The following GRIK5 variants were observed in gnomAD, a reference collection of about 807,000 sequenced individuals.
GRIK5 encodes glutamate ionotropic receptor kainate type subunit 5.
Under a neutral mutation model 97.4 loss-of-function variants are expected in GRIK5, and 43 were observed. The ratio of observed to expected loss-of-function variants is 0.44; its 90% confidence interval spans 0.35 to 0.57. GRIK5 has a LOEUF of 0.57. GRIK5 is among the 20% of genes least tolerant of loss of function. GRIK5 has a pLI of 0.01. For synonymous variants in GRIK5, 580 were observed against 583.5 expected (o/e 0.99, Z 0.09); for missense variants, 1,015 against 1,382.0 (o/e 0.73, Z 4.21).
rs771658980 is a variant in GRIK5, at chr19:42,065,224, G to A, written c.243C>T (p.Thr81=). 7 of 1,608,662 alleles carry A rather than the reference G, an allele frequency of 4.4e-6. No individual in the cohort carries two copies. The highest frequency in any genetic ancestry group is 5.9e-6 in the Non-Finnish European group (7 of 1,176,740). The change falls in exon 3 of 20, where the codon ACC becomes ACT. Residue 81 remains threonine (T), a splice_region_variant and synonymous_variant. Coordinates refer to ENST00000593562, the MANE Select transcript of GRIK5 (RefSeq NM_002088.5). This position sits in a 1 kb window ranked among gnomAD's most constrained non-coding sequence, Gnocchi z 5.8. ...QRDSQYETTD[T]MCQILPKGVV... ...CCACGCCCCCATGGCCCCGCTCACT[G>A]GTGTCCGTGGTCTCGTACTGGCTGT... is the stretch of plus-strand genomic sequence containing the variant.
At chr19:42,028,387 T>C (rs937382495) in intron 12 of GRIK5, among the ~76,000 whole-genome samples, 3 of 152,342 alleles carry the variant, frequency 2.0e-5, no homozygotes, top group Middle Eastern at 3.4e-3. Flanking sequence ...CTTTGCCTGC[T>C]GCGCCCTGCC....
chr19:42,036,381 C>G (rs1225305779), intron 12 of GRIK5, among the ~76,000 whole-genome samples: 1 of 150,104 alleles, frequency 6.7e-6, no homozygotes, highest in African/African-American at 2.5e-5. Flanking sequence ...AAAACAGGGT[C>G]TCACTCTGTC....
At chr19:42,057,345 C>G (rs1330447447) in intron 6 of GRIK5, among the ~76,000 whole-genome samples, 2 of 151,678 alleles carry the variant, frequency 1.3e-5, no homozygotes, top group Non-Finnish European at 2.9e-5. Context: ...CAAGAAGAAG[C>G]CTCAGAAATA....
chr19:42,054,501 T>C (rs572399539), intron 8 of GRIK5, 29 bp from the exon 9 acceptor site: 11 of 1,605,000 alleles, frequency 6.9e-6, no homozygotes, highest in Admixed American at 5.0e-5. Context: ...GGGGGTGGGA[T>C]GGATAAGAGG....
rs2075698265 is a variant in GRIK5, at chr19:42,021,629, G to C, written c.1698-155C>G. 6.6e-6 allele frequency among the ~76,000 whole-genome samples: 1 copy of C among 152,162 alleles called. No homozygotes were observed. The highest frequency in any genetic ancestry group is 2.4e-5 in the African/African-American group (1 of 41,446). The stretch of plus-strand genomic sequence containing the variant: ...AGCACACAGAGAAAAGGCAGAGAGA[G>C]ATGCACAGAGATGGAGACAGAAGAG... On this transcript the variant is annotated intron_variant, in intron 14 of 19. Transcript: ENST00000593562. The surrounding 1 kb of genome is among the most constrained non-coding windows in gnomAD (Gnocchi z 4.2).
rs1309146350 is a variant in GRIK5, at chr19:41,998,766, G to T, written c.*105C>A. On this transcript the variant is annotated 3_prime_UTR_variant, in exon 20 of 20. Coordinates refer to ENST00000593562, the MANE Select transcript of GRIK5 (RefSeq NM_002088.5). Reference sequence around the variant, plus strand: ...AAATCGCGGCGTCCGGGGCGCCGGCGCACAAGTCCTGTCCCGCGCCCGCTG... The same window carrying T: ...AAATCGCGGCGTCCGGGGCGCCGGCTCACAAGTCCTGTCCCGCGCCCGCTG... 2 of 511,494 alleles carry T rather than the reference G, an allele frequency of 3.9e-6. No individual in the cohort carries two copies. The highest frequency in any genetic ancestry group is 2.1e-5 in the African/African-American group (1 of 48,214). The allele number at this position is 511,494 out of a possible 1,614,324, so 31.7% of individuals were successfully genotyped here.
At chr19:42,066,419 A>C (rs76733198) in intron 1 of GRIK5, among the ~76,000 whole-genome samples, 13,466 of 151,202 alleles carry the variant, frequency 0.089, 806 homozygotes, top group South Asian at 0.17. Context: ...AGAAAAAGAG[A>C]GAGAGGCACA....
rs1193438320 is a variant in GRIK5, at chr19:42,070,001, G to A, written c.-811C>T. Among the ~76,000 whole-genome samples, 1 of 152,012 alleles carries A rather than the reference G, an allele frequency of 6.6e-6. No individual in the cohort carries two copies. Among genetic ancestry groups the A allele is most frequent in the Non-Finnish European group, 1.5e-5 (1 of 67,952 alleles). ...AGAGAAAGGCGGAGGAGGGTGGGGT[G>A]TCCCAGGGGCTCCCGGTGCTGGGCC... is the stretch of plus-strand genomic sequence containing the variant. On this transcript the variant is annotated 5_prime_UTR_variant, in exon 1 of 20. Coordinates refer to ENST00000593562, the MANE Select transcript of GRIK5 (RefSeq NM_002088.5).
At chr19:42,023,028 G>T (rs547413291) in intron 12 of GRIK5, among the ~76,000 whole-genome samples, 3 of 152,204 alleles carry the variant, frequency 2.0e-5, no homozygotes, top group East Asian at 3.9e-4. Context: ...CAAGGTTGGT[G>T]AGAGATGGCA....
In GRIK5 at chr19:42,065,251, C is replaced by G; in HGVS notation, c.216G>C (p.Arg72=). 1 of 1,612,940 alleles carries G rather than the reference C, an allele frequency of 6.2e-7. No individual in the cohort carries two copies. ...TGTCCGTGGTCTCGTACTGGCTGTC[C>G]CGCTGCAGCTCAAAGATGTCTACTT... The part of the protein sequence containing the change: ...RVEVDIFELQ[R]DSQYETTDTM... Residue 72 remains arginine (R), a synonymous_variant, in exon 3 of 20, where the codon CGG becomes CGC. Coordinates refer to ENST00000593562, the MANE Select transcript of GRIK5 (RefSeq NM_002088.5). The surrounding 1 kb of genome is among the most constrained non-coding windows in gnomAD (Gnocchi z 5.8).
Position 41,999,043 on chromosome 19 carries a change from G to T in GRIK5, c.2771C>A (p.Pro924His). 8.1e-7 allele frequency: 1 copy of T among 1,237,130 alleles called. No homozygotes were observed. The highest frequency in any genetic ancestry group is 1.0e-6 in the Non-Finnish European group (1 of 992,098). The allele number at this position is 1,237,130 out of a possible 1,614,324, so 76.6% of individuals were successfully genotyped here. ...GPPSGARPAA[P>H]TPCTHVRVCQ... Reference sequence around the variant, plus strand: ...GACGCGCACGTGGGTGCAGGGGGTGGGGGCGGCGGGTCGGGCTCCGCTGGG... The same window carrying T: ...GACGCGCACGTGGGTGCAGGGGGTGTGGGCGGCGGGTCGGGCTCCGCTGGG... The change falls in exon 20 of 20, where the codon CCC (proline) becomes CAC (histidine). Residue 924 changes from proline (P) to histidine (H), a missense_variant. This residue lies in a region of GRIK5 where 109 missense variants were observed against 100.4 expected (regional missense o/e 1.09). Coordinates refer to ENST00000593562, the MANE Select transcript of GRIK5 (RefSeq NM_002088.5). This position sits in a 1 kb window ranked among gnomAD's most constrained non-coding sequence, Gnocchi z 5.0.
rs2075505106 is a variant in GRIK5, at chr19:42,007,331, GTGAT to G, written c.1872-525_1872-522del. On this transcript the variant is annotated intron_variant, in intron 15 of 19. Coordinates refer to ENST00000593562, the MANE Select transcript of GRIK5 (RefSeq NM_002088.5). The stretch of plus-strand genomic sequence containing the variant: ...GCTGGTCTCGAACTCCTGACCTCAG[GTGAT>G]CCACCTGCCTCAGCCTCCCAAAGTG... Among the ~76,000 whole-genome samples the G allele has an allele frequency of 3.9e-5, 6 of 152,230 alleles. No individual in the cohort carries two copies. In the South Asian group the frequency reaches 1.2e-3, roughly 32 times the overall value.
chr19:42,065,338 G>A lies in GRIK5; in HGVS notation c.129C>T (p.Ala43=). The change falls in exon 3 of 20, where the codon GCC becomes GCT. Residue 43 remains alanine (A), a synonymous_variant. Coordinates refer to ENST00000593562, the MANE Select transcript of GRIK5 (RefSeq NM_002088.5). This position sits in a 1 kb window ranked among gnomAD's most constrained non-coding sequence, Gnocchi z 5.8. ...QTVCGRGERL[A]LALAREQING... is the part of the protein sequence containing the mutation. ...TGATCTGCTCCCGGGCCAAGGCCAA[G>A]GCCAGACGCTCACCGCGGCCACACA... 3 of 1,609,336 alleles carry A rather than the reference G, an allele frequency of 1.9e-6. No individual in the cohort carries two copies. Among genetic ancestry groups the A allele is most frequent in the Non-Finnish European group, 2.5e-6 (3 of 1,177,890 alleles).
rs1169625704 is a variant in GRIK5, at chr19:41,999,215, G to T, written c.2599C>A (p.Pro867Thr). 1.5e-5 allele frequency: 23 copies of T among 1,519,354 alleles called. No homozygotes were observed. Among genetic ancestry groups the T allele is most frequent in the Admixed American group, 2.0e-5 (1 of 49,588 alleles). The allele number at this position is 1,519,354 out of a possible 1,614,324, so 94.1% of individuals were successfully genotyped here. A position where few individuals can be genotyped will look rare whatever the true frequency, so the allele number is the denominator to read the frequency against. Reference protein sequence around the residue: ...KTSRSRRRRRPGGPSRALLSL... With the variant: ...KTSRSRRRRRTGGPSRALLSL... ...AGCAGGGCCCGGCTCGGGCCGCCCG[G>T]GCGTCGGCGCCGGCGGGAACGCGAC... The change falls in exon 20 of 20, where the codon CCG becomes ACG. Residue 867 changes from proline to threonine, a missense_variant. Transcript: ENST00000593562. The surrounding 1 kb of genome is among the most constrained non-coding windows in gnomAD (Gnocchi z 5.0).
At chr19:42,009,819 C>G (rs1278772388) in intron 15 of GRIK5, among the ~76,000 whole-genome samples, 3 of 147,772 alleles carry the variant, frequency 2.0e-5, no homozygotes, top group Non-Finnish European at 4.5e-5. Context: ...GTAATTCTAG[C>G]ACTTTCGGAG....
rs1249157069 is a variant in GRIK5, at chr19:42,002,243, C to T, written c.2514+1089G>A. 7 of 717,454 alleles carry T rather than the reference C, an allele frequency of 9.8e-6. No individual in the cohort carries two copies. The East Asian group carries it at 1.9e-4, about 19-fold the overall frequency. 44.4% of individuals were successfully genotyped at this position (717,454 alleles called of 1,614,324 possible). A position where few individuals can be genotyped will look rare whatever the true frequency, so the allele number is the denominator to read the frequency against. On this transcript the variant is annotated intron_variant, in intron 19 of 19. Coordinates refer to ENST00000593562, the MANE Select transcript of GRIK5 (RefSeq NM_002088.5). This position sits in a 1 kb window ranked among gnomAD's most constrained non-coding sequence, Gnocchi z 5.2. ...CTGGAAGCATCAGGGAGACCCCCCA[C>T]TGCTGCCAAGGCTGTAAAGAGAAGG...
chr19:42,008,220 G>C (rs746518161), intron 15 of GRIK5, among the ~76,000 whole-genome samples: 1 of 152,068 alleles, frequency 6.6e-6, no homozygotes, highest in Non-Finnish European at 1.5e-5. Flanking sequence ...GTTTCACCAC[G>C]TTGGCAGGTT....
At chr19:42,004,011 A>G (rs533463230) in intron 17 of GRIK5, among the ~76,000 whole-genome samples, 4 of 151,992 alleles carry the variant, frequency 2.6e-5, no homozygotes, top group Middle Eastern at 3.4e-3. Context: ...CTGCTCCCCA[A>G]ATTCATCACA....
Position 42,021,505 on chromosome 19 carries a change from G to T in GRIK5, c.1698-31C>A. Reference sequence around the variant, plus strand: ...GAGAGACGTGCAGCGTGTGGATGGGGCCCAGAGCCCAGGTGGGGAGGAAAA... The same window carrying T: ...GAGAGACGTGCAGCGTGTGGATGGGTCCCAGAGCCCAGGTGGGGAGGAAAA... On this transcript the variant is annotated intron_variant, in intron 14 of 19. Transcript: ENST00000593562. The surrounding 1 kb of genome is among the most constrained non-coding windows in gnomAD (Gnocchi z 4.2). 4 of 1,488,920 alleles carry T rather than the reference G, an allele frequency of 2.7e-6. No individual in the cohort carries two copies. Among genetic ancestry groups the T allele is most frequent in the Non-Finnish European group, 3.6e-6 (4 of 1,115,526 alleles). The allele number at this position is 1,488,920 out of a possible 1,614,324, so 92.2% of individuals were successfully genotyped here.
Sources: allele counts gnomAD v4.1 joint callset (sites outside exome capture counted in the v4.1 genomes callset), GRCh38; gene constraint gnomAD v4.1.1; regional missense constraint gnomAD v4.1.1; non-coding constraint Gnocchi (gnomAD v3.1); transcripts MANE v1.5; gene names NCBI Gene and HGNC (gene_info 2026-07-23, HGNC 2026-07-21).